UBE4B: variants seen among roughly 807,000 people sequenced by gnomAD.
The protein encoded by UBE4B is ubiquitin conjugation factor E4 B.
UBE4B carries 27 observed loss-of-function variants against 148.1 expected under a neutral mutation model. The observed-to-expected ratio is 0.18, with a 90% CI of 0.13 to 0.25. The LOEUF is 0.25. Ranked by LOEUF, UBE4B falls within the 10% of genes least tolerant of loss-of-function variation. The probability of loss-of-function intolerance (pLI) is 1.00; values close to 1 mark genes in which losing one functional copy is unlikely to be tolerated. For missense variants in UBE4B, 1,170 were observed against 1,662.4 expected (o/e 0.70, Z 5.15); for synonymous variants, 596 against 619.3 (o/e 0.96, Z 0.56).
intron 1 of UBE4B, among the ~76,000 whole-genome samples, chr1:10,071,616 C>T (rs1331231946): frequency 6.6e-6 from 1 of 152,090 alleles, no homozygotes; most frequent in African/African-American, 2.4e-5. Context: ...ACCGTAAATT[C>T]GCCATGTCAG....
At chr1:10,040,267 G>A (rs1487997888) in intron 1 of UBE4B, among the ~76,000 whole-genome samples, 2 of 151,384 alleles carry the variant, frequency 1.3e-5, no homozygotes, top group Non-Finnish European at 3.0e-5. Context: ...TGCCAGCCAT[G>A]CCCAGCTAAT....
At chr1:10,078,134 G>A (rs1227719517) in intron 2 of UBE4B, among the ~76,000 whole-genome samples, 1 of 151,810 alleles carries the variant, frequency 6.6e-6, no homozygotes, top group Non-Finnish European at 1.5e-5. Context: ...CTCAGCCTCC[G>A]AGTAGCTGGG....
At chr1:10,155,512 T>C (rs974531106) in intron 21 of UBE4B, among the ~76,000 whole-genome samples, 1 of 152,212 alleles carries the variant, frequency 6.6e-6, no homozygotes, top group Admixed American at 6.6e-5. Flanking sequence ...CTGGTCTTCC[T>C]ACAGCTACTA....
intron 1 of UBE4B, among the ~76,000 whole-genome samples, chr1:10,044,031 G>C (rs981542955): frequency 2.0e-5 from 3 of 151,774 alleles, no homozygotes; most frequent in African/African-American, 7.3e-5. Flanking sequence ...ACAATTCCAC[G>C]TTTCTTTTCT....
In UBE4B at chr1:10,159,126, G is replaced by T. The variant is rs1277557781; in HGVS notation, c.3053+644G>T. On this transcript the variant is annotated intron_variant, in intron 22 of 27. Transcript: ENST00000343090. Reference sequence around the variant, plus strand: ...GTTAAATGAAGTTGTCAGAATGAGTGAAATGAAATCTTAGTTCCTGAATGT... The same window carrying T: ...GTTAAATGAAGTTGTCAGAATGAGTTAAATGAAATCTTAGTTCCTGAATGT... Among the ~76,000 whole-genome samples, 3 of 152,142 alleles carry T rather than the reference G, an allele frequency of 2.0e-5. No individual in the cohort carries two copies. In the East Asian group the frequency reaches 5.8e-4, roughly 29 times the overall value.
chr1:10,145,660 TC>T (rs1645858257), intron 18 of UBE4B: 1 of 151,504 alleles, frequency 6.6e-6, no homozygotes, highest in African/African-American at 2.4e-5. Context: ...TGCAGGGCCC[TC>T]CTCACCTGCT....
chr1:10,077,353 T>A (rs1361607588), intron 2 of UBE4B, among the ~76,000 whole-genome samples: 1 of 152,180 alleles, frequency 6.6e-6, no homozygotes, highest in African/African-American at 2.4e-5. Flanking sequence ...ATTTCCCTCT[T>A]ATGACAGCCA....
intron 7 of UBE4B, among the ~76,000 whole-genome samples, chr1:10,113,326 A>G (rs988920233): frequency 3.3e-5 from 5 of 152,202 alleles, no homozygotes; most frequent in Non-Finnish European, 5.9e-5. Context: ...ATCTGCCCCC[A>G]TGATCCAGTC....
chr1:10,115,461 G>A (rs1318062275), intron 7 of UBE4B, among the ~76,000 whole-genome samples: 1 of 149,278 alleles, frequency 6.7e-6, no homozygotes, highest in Non-Finnish European at 1.5e-5. Flanking sequence ...AGTTGAGATA[G>A]GGTTTCACCA....
rs995141559 is a variant in UBE4B, at chr1:10,168,620, C to T, written c.3333+350C>T. Among the ~76,000 whole-genome samples, 6 of 152,062 alleles carry T rather than the reference C, an allele frequency of 3.9e-5. No homozygotes were observed. Among genetic ancestry groups the T allele is most frequent in the Admixed American group, 1.3e-4 (2 of 15,268 alleles). On this transcript the variant is annotated intron_variant, in intron 24 of 27. Transcript: ENST00000343090. The surrounding 1 kb of genome is among the most constrained non-coding windows in gnomAD (Gnocchi z 4.9). The stretch of plus-strand genomic sequence containing the variant: ...TAGAAAAAGCATAAGGTGCCGGGTG[C>T]GGTGGCTCACGCCTGTAATCCCAGC...
intron 3 of UBE4B, 60 bp from the exon 4 acceptor site, chr1:10,101,048 A>T: frequency 6.9e-7 from 1 of 1,441,850 alleles, no homozygotes; most frequent in Non-Finnish European, 9.7e-7. Flanking sequence ...CCCAGCAGCT[A>T]CAGTGACATT....
chr1:10,178,107 A>T (rs1028110713), intron 25 of UBE4B, among the ~76,000 whole-genome samples: 4 of 152,106 alleles, frequency 2.6e-5, no homozygotes, highest in Non-Finnish European at 5.9e-5. Flanking sequence ...GACATGTGCT[A>T]GTGCTGAACT....
intron 24 of UBE4B, among the ~76,000 whole-genome samples, chr1:10,169,559 GA>G (rs1212813306): frequency 1.3e-5 from 2 of 152,246 alleles, no homozygotes; most frequent in African/African-American, 4.8e-5. Context: ...CATGGAGCAT[GA>G]AACAAAACAG....
At chr1:10,163,763 TTTTTA>T (rs888821085) in intron 23 of UBE4B, among the ~76,000 whole-genome samples, 4 of 151,360 alleles carry the variant, frequency 2.6e-5, no homozygotes, top group Admixed American at 6.6e-5. Context: ...ATTAAATTAT[TTTTTA>T]TTTTATTTTA....
chr1:10,097,137 G>A (rs1190104674), intron 3 of UBE4B, among the ~76,000 whole-genome samples: 1 of 151,904 alleles, frequency 6.6e-6, no homozygotes, highest in Non-Finnish European at 1.5e-5. Flanking sequence ...GAGTTAAATA[G>A]GGGTTAGACA....
At chr1:10,122,750 C>T (rs1233721804) in intron 10 of UBE4B, among the ~76,000 whole-genome samples, 1 of 152,196 alleles carries the variant, frequency 6.6e-6, no homozygotes, top group Non-Finnish European at 1.5e-5. Flanking sequence ...AACTGTCACA[C>T]AAGTTTTTTC....
intron 3 of UBE4B, among the ~76,000 whole-genome samples, chr1:10,097,838 C>T (rs1291109027): frequency 6.6e-6 from 1 of 152,012 alleles, no homozygotes; most frequent in Non-Finnish European, 1.5e-5. Context: ...ATAAACACAT[C>T]ATGGAAAATT....
At chr1:10,034,293 T>C (rs935359140) in intron 1 of UBE4B, among the ~76,000 whole-genome samples, 1 of 152,214 alleles carries the variant, frequency 6.6e-6, no homozygotes, top group East Asian at 1.9e-4. Flanking sequence ...GGCATTCTTC[T>C]GTTACATTCT....
At chr1:10,173,008 G>T (rs1167001274) in intron 25 of UBE4B, among the ~76,000 whole-genome samples, 2 of 152,208 alleles carry the variant, frequency 1.3e-5, no homozygotes, top group Non-Finnish European at 2.9e-5. Context: ...TCGACGTGGT[G>T]TAGGCCACGC....
Sources: gnomAD v4.1 joint callset for allele counts (sites outside exome capture counted in the v4.1 genomes callset) on GRCh38, gnomAD v4.1.1 for gene constraint, Gnocchi (gnomAD v3.1) non-coding constraint, MANE v1.5 for transcripts, NCBI Gene and HGNC (gene_info 2026-07-23, HGNC 2026-07-21) for gene names.